The following FAM81A variants were observed in gnomAD, a reference collection of about 807,000 sequenced individuals.
FAM81A encodes protein FAM81A.
FAM81A carries 19 observed loss-of-function variants against 46.7 expected under a neutral mutation model. The observed-to-expected ratio is 0.41, with a 90% CI of 0.28 to 0.60. The LOEUF (loss-of-function observed/expected upper bound fraction) is 0.60, where lower values mean the gene tolerates loss of function less well. Ranked by LOEUF, FAM81A falls within the 20% of genes least tolerant of loss-of-function variation. The pLI, the probability that FAM81A is intolerant of heterozygous loss-of-function variation, is 0.34. For missense variants in FAM81A, 377 were observed against 453.5 expected, an observed-to-expected ratio of 0.83 and a Z score of 1.53; for synonymous variants, 183 against 152.9, an observed-to-expected ratio of 1.20 and a Z score of -1.45.
chr15:59,490,347 A>G (rs1447502981), intron 3 of FAM81A, among the ~76,000 whole-genome samples: 1 of 152,218 alleles, frequency 6.6e-6, no homozygotes, highest in Non-Finnish European at 1.5e-5. Flanking sequence ...TCTCCATCTG[A>G]CAAGGGATTG....
chr15:59,448,788 G>A (rs560264951), intron 1 of FAM81A, among the ~76,000 whole-genome samples: 12 of 152,002 alleles, frequency 7.9e-5, no homozygotes, highest in Non-Finnish European at 1.5e-4. Flanking sequence ...TGAGTATCTT[G>A]GACTACAGCT....
chr15:59,399,640 G>C (rs1158602207), intron 1 of FAM81A, among the ~76,000 whole-genome samples: 1 of 152,190 alleles, frequency 6.6e-6, no homozygotes, highest in Non-Finnish European at 1.5e-5. Flanking sequence ...GAATGAAGAA[G>C]TGTGCTGTGA....
At chr15:59,438,551 T>C (rs1331726632) in intron 1 of FAM81A, 4 of 152,194 alleles carry the variant, frequency 2.6e-5, no homozygotes, top group African/African-American at 9.7e-5. Context: ...AGGGACTGTT[T>C]GGGGGAGCTG....
At chr15:59,425,214 G>A (rs376568193) in intron 2 of FAM81A, among the ~76,000 whole-genome samples, 3 of 152,166 alleles carry the variant, frequency 2.0e-5, no homozygotes, top group East Asian at 3.8e-4. Context: ...AATGACTACA[G>A]TGTCCCTGTG....
intron 2 of FAM81A, among the ~76,000 whole-genome samples, chr15:59,428,912 T>G (rs1452644622): frequency 5.9e-5 from 9 of 152,168 alleles, no homozygotes; most frequent in Admixed American, 3.9e-4. Flanking sequence ...ATTACAGGCG[T>G]GAGCCACCAC....
chr15:59,452,030 C>G (rs1456974870), intron 1 of FAM81A, among the ~76,000 whole-genome samples: 2 of 152,170 alleles, frequency 1.3e-5, no homozygotes, highest in African/African-American at 2.4e-5. Context: ...GGATATTGAA[C>G]TAGTATGATG....
Position 59,455,339 on chromosome 15 carries a change from A to G in FAM81A, c.-77-3211A>G, listed in dbSNP as rs550976540. 3.9e-5 allele frequency among the ~76,000 whole-genome samples: 6 copies of G among 151,990 alleles called. No homozygotes were observed. The South Asian group carries it at 1.3e-3, about 32-fold the overall frequency. ...TTTAATATAGTGGAATCACTGCACA[A>G]TCAAAACAGCATGAAACCCAGACCT... On this transcript the variant is annotated intron_variant, in intron 1 of 8. Coordinates refer to ENST00000288228, the MANE Select transcript of FAM81A (RefSeq NM_152450.3).
intron 3 of FAM81A, among the ~76,000 whole-genome samples, chr15:59,474,405 T>G (rs2081739850): frequency 6.6e-6 from 1 of 152,188 alleles, no homozygotes; most frequent in South Asian, 2.1e-4. Flanking sequence ...TCTTGCTGCA[T>G]GCTTACATGG....
intron 3 of FAM81A, among the ~76,000 whole-genome samples, chr15:59,467,692 C>A (rs1291232723): frequency 6.6e-6 from 1 of 152,164 alleles, no homozygotes; most frequent in East Asian, 1.9e-4. Flanking sequence ...TAATTGAACA[C>A]CCTTTATTTA....
At chr15:59,494,876 T>TC (rs2082017891) in intron 4 of FAM81A, among the ~76,000 whole-genome samples, 1 of 152,128 alleles carries the variant, frequency 6.6e-6, no homozygotes, top group South Asian at 2.1e-4. Context: ...TTGATTTTTT[T>TC]CCCCTGTAAA....
chr15:59,421,631 G>A (rs976567837), intron 2 of FAM81A, among the ~76,000 whole-genome samples: 67 of 152,136 alleles, frequency 4.4e-4, no homozygotes, highest in African/African-American at 1.6e-3. Flanking sequence ...CCTATACCTG[G>A]AGTCCTTGGT....
At chr15:59,506,111 T>G (rs2082146211) in intron 4 of FAM81A, among the ~76,000 whole-genome samples, 1 of 152,178 alleles carries the variant, frequency 6.6e-6, no homozygotes, top group African/African-American at 2.4e-5. Context: ...TCAGTCCACC[T>G]GGTCATCAAG....
intron 2 of FAM81A, among the ~76,000 whole-genome samples, chr15:59,413,072 GCAACAGCACGC>G: frequency 6.6e-6 from 1 of 152,292 alleles, no homozygotes; most frequent in South Asian, 2.1e-4. Flanking sequence ...TCCCTTGGGA[GCAACAGCACGC>G]CACACAAGGC....
chr15:59,414,027 C>A (rs1036232866), intron 2 of FAM81A, among the ~76,000 whole-genome samples: 1 of 152,142 alleles, frequency 6.6e-6, no homozygotes, highest in African/African-American at 2.4e-5. Context: ...GATCTCGGCT[C>A]ACTGCAACCT....
At chr15:59,504,982 T>C (rs1437190029) in intron 4 of FAM81A, among the ~76,000 whole-genome samples, 2 of 152,222 alleles carry the variant, frequency 1.3e-5, no homozygotes, top group African/African-American at 2.4e-5. Flanking sequence ...AATTCATGTC[T>C]TTCTTCAATT....
chr15:59,454,773 A>G (rs1567050420), intron 1 of FAM81A, among the ~76,000 whole-genome samples: 1 of 151,682 alleles, frequency 6.6e-6, no homozygotes, highest in South Asian at 2.1e-4. Flanking sequence ...CTACAGATGC[A>G]TGCCACCATG....
At chr15:59,494,371 G>A (rs16941450) in intron 4 of FAM81A, among the ~76,000 whole-genome samples, 12,164 of 152,222 alleles carry the variant, frequency 0.08, 582 homozygotes, top group African/African-American at 0.13. Flanking sequence ...ATACATGTGA[G>A]AGGCTTGGTG....
chr15:59,484,860 C>T (rs2081898254), intron 3 of FAM81A, among the ~76,000 whole-genome samples: 1 of 152,122 alleles, frequency 6.6e-6, no homozygotes, highest in African/African-American at 2.4e-5. Context: ...ACTCTTGGAT[C>T]TCTAGATGTA....
At chr15:59,467,468 C>G (rs56867089) in intron 3 of FAM81A, among the ~76,000 whole-genome samples, 1,679 of 152,210 alleles carry the variant, frequency 0.011, 30 homozygotes, top group African/African-American at 0.039. Context: ...CTCTTTGTAG[C>G]AATTGTGAAT....
Sources: gnomAD v4.1 joint callset for allele counts (sites outside exome capture counted in the v4.1 genomes callset) on GRCh38, gnomAD v4.1.1 for gene constraint, MANE v1.5 for transcripts, NCBI Gene and HGNC (gene_info 2026-07-23, HGNC 2026-07-21) for gene names.